The following MIB2 variants were observed in gnomAD, a reference collection of about 807,000 sequenced individuals.
The protein encoded by MIB2 is E3 ubiquitin-protein ligase MIB2.
In MIB2, 78 loss-of-function variants were observed where a neutral mutation model predicts 96.6. The observed-to-expected ratio is 0.81, with a 90% CI of 0.67 to 0.97. The LOEUF (loss-of-function observed/expected upper bound fraction) is 0.97, where lower values mean the gene tolerates loss of function less well. Among genes scored for constraint, MIB2 ranks in the 50% least tolerant of loss-of-function variants. The pLI is 0.00. For missense variants in MIB2, 1,543 were observed against 1,424.0 expected (o/e 1.08, Z -1.35); for synonymous variants, 820 against 629.5 (o/e 1.30, Z -4.53).
chr1:1,625,241 A>G lies in MIB2; in HGVS notation c.722-45A>G. ...CCTCCTGCCTTGGCTGAAGTCCCAG[A>G]GGGGAGGGGCCGCTGCCTGAGGCCT... On this transcript the variant is annotated intron_variant, in intron 6 of 19. Transcript: ENST00000355826. This position sits in a 1 kb window ranked among gnomAD's most constrained non-coding sequence, Gnocchi z 5.0. The G allele has an allele frequency of 6.2e-7, 1 of 1,602,018 alleles. No individual in the cohort carries two copies. The highest frequency in any genetic ancestry group is 8.5e-7 in the Non-Finnish European group (1 of 1,175,150).
chr1:1,627,921 C>G, intron 13 of MIB2, 92 bp downstream of exon 13: 1 of 1,600,042 alleles, frequency 6.2e-7, no homozygotes, highest in Non-Finnish European at 8.5e-7. Flanking sequence ...GCTCCCTGGC[C>G]TGGGTGCCCC....
At chr1:1,620,945 G>A (rs1377721674) in intron 2 of MIB2, among the ~76,000 whole-genome samples, 1 of 152,268 alleles carries the variant, frequency 6.6e-6, no homozygotes, top group Non-Finnish European at 1.5e-5. Context: ...GGGCTGGCCG[G>A]TGGAACTGTG....
Position 1,629,706 on chromosome 1 carries a change from T to TG in MIB2, c.2629+5dup. The TG allele has an allele frequency of 1.9e-6, 3 of 1,589,736 alleles. No homozygotes were observed. The highest frequency in any genetic ancestry group is 2.6e-6 in the Non-Finnish European group (3 of 1,168,752). ...TCGTCAGCAAGAAACTGCGCCCAGG[T>TG]GGGTGAGGCTCTGCGCCCCCAACAC... On this transcript the variant is annotated splice_region_variant and intron_variant, in intron 19 of 19. Coordinates refer to ENST00000355826, the MANE Select transcript of MIB2 (RefSeq NM_001170687.4).
intron 19 of MIB2, among the ~76,000 whole-genome samples, chr1:1,629,976 A>C (rs1569915919): frequency 1.9e-5 from 2 of 105,912 alleles, no homozygotes; most frequent in African/African-American, 3.7e-5. Context: ...CCCAGATCAC[A>C]CTCCCTCCAT....
upstream of MIB2, chr1:1,615,493 G>A (rs553438061): frequency 1.2e-5 from 18 of 1,526,844 alleles, no homozygotes; most frequent in African/African-American, 1.8e-4. Flanking sequence ...GCGGGCCCTG[G>A]GCTCCCGCCC....
intron 2 of MIB2, among the ~76,000 whole-genome samples, chr1:1,620,625 G>A (rs1392039699): frequency 1.3e-5 from 2 of 152,262 alleles, no homozygotes; most frequent in East Asian, 1.9e-4. Context: ...AGACTGCTGC[G>A]TCGGCCTCCC....
chr1:1,630,038 C>CCGGCCCAGCTCA (rs1553153049), intron 19 of MIB2, among the ~76,000 whole-genome samples: 3 of 149,056 alleles, frequency 2.0e-5, no homozygotes, highest in African/African-American at 7.4e-5. Flanking sequence ...CCATCACACC[C>CCGGCCCAGCTCA]CGGCCCAGCT....
At chr1:1,616,109 C>G (rs1643619011) in intron 1 of MIB2, 2 of 983,786 alleles carry the variant, frequency 2.0e-6, no homozygotes, top group Admixed American at 1.2e-4. Context: ...AGGTACTGCG[C>G]GGCCCTGGCA....
chr1:1,630,260 C>T, intron 19 of MIB2, 32 bp from the exon 20 acceptor site: 3 of 1,132,468 alleles, frequency 2.6e-6, no homozygotes, highest in Non-Finnish European at 3.6e-6. Context: ...CCCACCCGGC[C>T]TCCCAGCTCA....
chr1:1,626,637 C>T lies in MIB2; in HGVS notation c.973-13C>T, dbSNP rs938001969. The T allele has an allele frequency of 7.8e-6, 12 of 1,541,986 alleles. No homozygotes were observed. In the East Asian group the frequency reaches 1.4e-4, roughly 18 times the overall value. ...CAGCTGGGGGGCCCCTCACGCCCCT[C>T]TTTGTCGCTCAGCACCACTCCTTCT... On this transcript the variant is annotated splice_polypyrimidine_tract_variant and intron_variant, in intron 8 of 19. Transcript: ENST00000355826. The surrounding 1 kb of genome is among the most constrained non-coding windows in gnomAD (Gnocchi z 5.3).
In MIB2 at chr1:1,630,425, C is replaced by G; in HGVS notation, c.2763C>G (p.Leu921=). 6.3e-7 allele frequency: 1 copy of G among 1,586,526 alleles called. No individual in the cohort carries two copies. The highest frequency in any genetic ancestry group is 8.6e-7 in the Non-Finnish European group (1 of 1,168,386). The stretch of plus-strand genomic sequence containing the variant: ...TCTGCATCGACAGCCACATCCGCCT[C>G]GTGTTCCAGTGCGGCCACGGCGCAT... ...CPICIDSHIR[L]VFQCGHGACA... is the part of the protein sequence containing the mutation. The change falls in exon 20 of 20, where the codon CTC becomes CTG. Residue 921 remains leucine, a synonymous_variant. Transcript: ENST00000355826.
rs1643535391 is a variant in MIB2, at chr1:1,615,632, TGGTGC to T, written c.-130+1_-130+5del. 1.3e-6 allele frequency: 2 copies of T among 1,574,852 alleles called. No homozygotes were observed. The highest frequency in any genetic ancestry group is 2.8e-5 in the African/African-American group (2 of 72,714). ...CGATGCGGGCCGTCCTCTCGGCTGATGGTGCGTGCGGGCGCGGATCTCCTCCCCTG... is the reference window on the plus strand; with the variant it reads ...CGATGCGGGCCGTCCTCTCGGCTGATGTGCGGGCGCGGATCTCCTCCCCTG... On this transcript the variant is annotated splice_donor_variant and splice_donor_region_variant and 5_prime_UTR_variant and intron_variant, in exon 1 of 20. Transcript: ENST00000355826. LOFTEE classifies it low-confidence loss of function (5UTR_SPLICE).
chr1:1,615,400 G>A (rs1041844802), upstream of MIB2: 11 of 1,451,310 alleles, frequency 7.6e-6, no homozygotes, highest in East Asian at 8.1e-5. Context: ...CGACGCAGAC[G>A]CTCCCGCGTG....
Position 1,626,360 on chromosome 1 carries a change from C to T in MIB2, c.973-290C>T, listed in dbSNP as rs905433849. ...GGCCATGTTGCCTGCTGCTGGTCAG[C>T]GTACAGCTTCCCAGGGCCAGCCACC... On this transcript the variant is annotated intron_variant, in intron 8 of 19. Transcript: ENST00000355826. This position sits in a 1 kb window ranked among gnomAD's most constrained non-coding sequence, Gnocchi z 5.3. 7.3e-5 allele frequency: 35 copies of T among 477,766 alleles called. No homozygotes were observed. The highest frequency in any genetic ancestry group is 4.9e-4 in the African/African-American group (25 of 50,786). 29.6% of individuals were successfully genotyped at this position (477,766 alleles called of 1,614,324 possible).
chr1:1,625,975 A>T lies in MIB2; in HGVS notation c.972+322A>T. 1 of 376,466 alleles carries T rather than the reference A, an allele frequency of 2.7e-6. No homozygotes were observed. Among genetic ancestry groups the T allele is most frequent in the Non-Finnish European group, 4.9e-6 (1 of 205,568 alleles). The allele number at this position is 376,466 out of a possible 1,614,324, so 23.3% of individuals were successfully genotyped here. On this transcript the variant is annotated intron_variant, in intron 8 of 19. Transcript: ENST00000355826. This position sits in a 1 kb window ranked among gnomAD's most constrained non-coding sequence, Gnocchi z 5.0. ...CGGCTGGGCTAAGATGCTCCTGGTTAGTGCTGTATGGGGGCCGATGGGGGT... is the reference window on the plus strand; with the variant it reads ...CGGCTGGGCTAAGATGCTCCTGGTTTGTGCTGTATGGGGGCCGATGGGGGT...
chr1:1,621,500 T>G lies in MIB2; in HGVS notation c.-22-1931T>G, dbSNP rs192185990. ...GCCCTGGCCCAGGCCTTGGTGCACA[T>G]CTCGGCAGCGTCACCCGACAGGTGA... is the stretch of plus-strand genomic sequence containing the variant. On this transcript the variant is annotated intron_variant, in intron 2 of 19. Transcript: ENST00000355826. Among the ~76,000 whole-genome samples, 95 of 152,314 alleles carry G rather than the reference T, an allele frequency of 6.2e-4. 1 individual carries two copies. Among genetic ancestry groups the G allele is most frequent in the Admixed American group, 1.8e-3 (28 of 15,312 alleles).
chr1:1,616,825 A>G (rs1313609740), intron 2 of MIB2: 3 of 515,470 alleles, frequency 5.8e-6, no homozygotes, highest in East Asian at 3.6e-5. Context: ...AGGCACCTGC[A>G]GGATTGGGGC....
intron 2 of MIB2, among the ~76,000 whole-genome samples, chr1:1,620,961 C>T (rs900723331): frequency 5.3e-5 from 8 of 152,250 alleles, no homozygotes; most frequent in Non-Finnish European, 8.8e-5. Context: ...CTGTGTCCAC[C>T]TGGACATGCT....
upstream of MIB2, chr1:1,615,358 G>T: frequency 7.1e-7 from 1 of 1,408,434 alleles, no homozygotes; most frequent in South Asian, 1.6e-5. Context: ...AGGCTAAGCC[G>T]CTCGGAACCT....
Sources: gnomAD v4.1 joint callset for allele counts (sites outside exome capture counted in the v4.1 genomes callset) on GRCh38, gnomAD v4.1.1 for gene constraint, Gnocchi (gnomAD v3.1) non-coding constraint, MANE v1.5 for transcripts, NCBI Gene and HGNC (gene_info 2026-07-23, HGNC 2026-07-21) for gene names.